ALCAM: variants seen among roughly 807,000 people sequenced by gnomAD.
ALCAM encodes the protein CD166 antigen.
A neutral mutation model predicts 70.9 loss-of-function variants in ALCAM; 30 were observed. The observed-to-expected ratio is 0.42, with a 90% CI of 0.32 to 0.57. The LOEUF (loss-of-function observed/expected upper bound fraction) is 0.57. ALCAM is among the 20% of genes least tolerant of loss of function. ALCAM has a pLI of 0.11. For synonymous variants in ALCAM, 249 were observed against 242.5 expected, an observed-to-expected ratio of 1.03 and a Z score of -0.25; for missense variants, 591 against 695.1, an observed-to-expected ratio of 0.85 and a Z score of 1.68.
chr3:105,444,652 G>A (rs1170499793), intron 1 of ALCAM, among the ~76,000 whole-genome samples: 1 of 152,160 alleles, frequency 6.6e-6, no homozygotes, highest in Non-Finnish European at 1.5e-5. Flanking sequence ...CATGACTTCT[G>A]AATCAGGGTA....
intron 15 of ALCAM, among the ~76,000 whole-genome samples, chr3:105,573,777 G>T (rs1940905075): frequency 6.6e-6 from 1 of 152,124 alleles, no homozygotes; most frequent in African/African-American, 2.4e-5. Context: ...TAAACCTCGG[G>T]TTCATTATAA....
At chr3:105,486,740 A>T (rs993885234) in intron 1 of ALCAM, among the ~76,000 whole-genome samples, 2 of 152,160 alleles carry the variant, frequency 1.3e-5, no homozygotes, top group South Asian at 4.1e-4. Flanking sequence ...TCAGCTTCTT[A>T]TAGTTAACCA....
At chr3:105,426,172 A>C (rs1371169315) in intron 1 of ALCAM, among the ~76,000 whole-genome samples, 1 of 151,898 alleles carries the variant, frequency 6.6e-6, no homozygotes, top group East Asian at 1.9e-4. Context: ...AGGACAAGTC[A>C]TCTAAGCTCT....
intron 1 of ALCAM, among the ~76,000 whole-genome samples, chr3:105,491,866 A>AC (rs1222997881): frequency 6.6e-6 from 1 of 151,290 alleles, no homozygotes; most frequent in Non-Finnish European, 1.5e-5. Flanking sequence ...CTTCTTCTGA[A>AC]CCCCCCAAAT....
chr3:105,552,747 T>A, intron 14 of ALCAM, 162 bp downstream of exon 14: 1 of 1,449,260 alleles, frequency 6.9e-7, no homozygotes, highest in Non-Finnish European at 9.1e-7. Flanking sequence ...TAATTTTGAC[T>A]ACACTGCCTT....
At chr3:105,471,830 T>C (rs1937940207) in intron 1 of ALCAM, among the ~76,000 whole-genome samples, 1 of 151,282 alleles carries the variant, frequency 6.6e-6, no homozygotes, top group South Asian at 2.1e-4. Flanking sequence ...CTTAGCATTT[T>C]TCAAGAATAC....
intron 1 of ALCAM, among the ~76,000 whole-genome samples, chr3:105,421,771 C>T (rs1237372547): frequency 6.6e-6 from 1 of 151,426 alleles, no homozygotes; most frequent in Non-Finnish European, 1.5e-5. Flanking sequence ...TTTTGTTCCA[C>T]TTCTGGGGTC....
At chr3:105,492,953 GA>G in intron 1 of ALCAM, among the ~76,000 whole-genome samples, 1 of 152,228 alleles carries the variant, frequency 6.6e-6, no homozygotes, top group South Asian at 2.1e-4. Context: ...ATGTAAAGTA[GA>G]AAAATTATTG....
intron 8 of ALCAM, among the ~76,000 whole-genome samples, chr3:105,543,777 T>C (rs527956070): frequency 6.6e-6 from 1 of 151,770 alleles, no homozygotes; most frequent in South Asian, 2.1e-4. Context: ...CAAAAACTTC[T>C]AACTCATCCA....
At chr3:105,403,018 C>G (rs1485722448) in intron 1 of ALCAM, among the ~76,000 whole-genome samples, 1 of 147,202 alleles carries the variant, frequency 6.8e-6, no homozygotes, top group East Asian at 2.0e-4. Context: ...GCAATCTCAG[C>G]TCATTGCAAC....
chr3:105,544,931 G>T, intron 8 of ALCAM: 1 of 288,952 alleles, frequency 3.5e-6, no homozygotes, highest in South Asian at 3.4e-5. Context: ...TTTTCTTAAG[G>T]TGATAGGCCC....
intron 1 of ALCAM, among the ~76,000 whole-genome samples, chr3:105,392,839 A>G (rs927336567): frequency 6.6e-6 from 1 of 151,992 alleles, no homozygotes; most frequent in Admixed American, 6.6e-5. Flanking sequence ...TTATTTACCC[A>G]GGAGTCATTC....
At chr3:105,413,357 T>C (rs974763433) in intron 1 of ALCAM, among the ~76,000 whole-genome samples, 1 of 152,168 alleles carries the variant, frequency 6.6e-6, no homozygotes, top group African/African-American at 2.4e-5. Flanking sequence ...ATTTGTACAG[T>C]ATTTCTTCTG....
intron 1 of ALCAM, among the ~76,000 whole-genome samples, chr3:105,437,853 T>C (rs1197792555): frequency 6.6e-6 from 1 of 152,142 alleles, no homozygotes; most frequent in Non-Finnish European, 1.5e-5. Flanking sequence ...TTTATAGCTA[T>C]AAATAAGAAG....
intron 14 of ALCAM, chr3:105,553,206 A>G: frequency 1.4e-6 from 1 of 725,460 alleles, no homozygotes; most frequent in Non-Finnish European, 1.7e-6. Context: ...GATAGTATGA[A>G]CCTTACAAAT....
At chr3:105,431,063 T>C (rs1281694414) in intron 1 of ALCAM, among the ~76,000 whole-genome samples, 2 of 151,938 alleles carry the variant, frequency 1.3e-5, no homozygotes, top group Non-Finnish European at 2.9e-5. Context: ...GGGCCATTTT[T>C]TAATTTAAAA....
intron 1 of ALCAM, among the ~76,000 whole-genome samples, chr3:105,389,454 A>T (rs1440508621): frequency 7.1e-6 from 1 of 141,324 alleles, no homozygotes; most frequent in African/African-American, 2.6e-5. Context: ...AGGCCTGCGA[A>T]TATGAGATAG....
intron 1 of ALCAM, among the ~76,000 whole-genome samples, chr3:105,482,738 C>T (rs1938308098): frequency 6.6e-6 from 1 of 152,022 alleles, no homozygotes; most frequent in South Asian, 2.1e-4. Context: ...TTATGTTGTT[C>T]TATAAATGTT....
intron 1 of ALCAM, among the ~76,000 whole-genome samples, chr3:105,509,246 A>T (rs764441836): frequency 6.6e-6 from 1 of 151,890 alleles, no homozygotes; most frequent in Non-Finnish European, 1.5e-5. Context: ...GGATTGCTGG[A>T]TTATCTGGTA....
Sources: allele counts gnomAD v4.1 joint callset (sites outside exome capture counted in the v4.1 genomes callset), GRCh38; gene constraint gnomAD v4.1.1; transcripts MANE v1.5; gene names NCBI Gene and HGNC (gene_info 2026-07-23, HGNC 2026-07-21).